Variants in MKRN2OS observed in about 807,000 individuals in gnomAD.
The protein encoded by MKRN2OS is MKRN2 opposite strand protein.
A neutral mutation model predicts 18.2 loss-of-function variants in MKRN2OS; 17 were observed. The observed-to-expected ratio is 0.93, with a 90% CI of 0.64 to 1.40. MKRN2OS has a LOEUF of 1.40. Among genes scored for constraint, MKRN2OS ranks in the 40% most tolerant of loss-of-function variants. The pLI is 0.00. For missense variants in MKRN2OS, 337 were observed against 283.0 expected, an observed-to-expected ratio of 1.19 and a Z score of -1.37; for synonymous variants, 121 against 108.5, an observed-to-expected ratio of 1.12 and a Z score of -0.72.
At chr3:12,552,019 C>G (rs1388214796), downstream of MKRN2OS, among the ~76,000 whole-genome samples, 1 of 151,026 alleles carries the variant, frequency 6.6e-6, no homozygotes, top group African/African-American at 2.4e-5. Context: ...CTAAATGCTC[C>G]GATACAAAAA....
downstream of MKRN2OS, among the ~76,000 whole-genome samples, chr3:12,552,068 C>G (rs1481346002): frequency 6.6e-6 from 1 of 151,950 alleles, no homozygotes; most frequent in African/African-American, 2.4e-5. Context: ...GCCTGTAATC[C>G]CAGCACTTTG....
At chr3:12,559,229 T>C (rs1030799776) in intron 1 of MKRN2OS, among the ~76,000 whole-genome samples, 1 of 152,186 alleles carries the variant, frequency 6.6e-6, no homozygotes, top group Non-Finnish European at 1.5e-5. Flanking sequence ...AAAACCAATA[T>C]GACCAAGAGT....
rs150618878 is a variant in MKRN2OS, at chr3:12,556,957, C to G, written n.265-2823G>C. The G allele has an allele frequency of 3.1e-3, 1,512 of 491,626 alleles. 18 individuals carry two copies. The highest frequency in any genetic ancestry group is 0.028 in the African/African-American group (1,367 of 49,626). The allele number at this position is 491,626 out of a possible 1,614,324, so 30.5% of individuals were successfully genotyped here. Reference sequence around the variant, plus strand: ...GATGCCGGGACAGCCGGCCCGATCCCCGGTGCGGAACCAATTGTGACGACG... The same window carrying G: ...GATGCCGGGACAGCCGGCCCGATCCGCGGTGCGGAACCAATTGTGACGACG... On this transcript the variant is annotated intron_variant and non_coding_transcript_variant, in intron 1 of 1. Coordinates refer to the MKRN2OS transcript ENST00000447550.
At chr3:12,552,945 G>A (rs181154990), downstream of MKRN2OS, among the ~76,000 whole-genome samples, 542 of 150,152 alleles carry the variant, frequency 3.6e-3, 2 homozygotes, top group African/African-American at 0.012. Context: ...GAAACCAGGA[G>A]GTGGAGGTTG....
downstream of MKRN2OS, among the ~76,000 whole-genome samples, chr3:12,551,354 G>T (rs890329307): frequency 1.3e-5 from 2 of 151,836 alleles, no homozygotes; most frequent in Non-Finnish European, 2.9e-5. Flanking sequence ...ATTAGCCCGG[G>T]TGTGATGGTA....
chr3:12,542,319 C>T (rs2057826192), intron 2 of MKRN2OS, among the ~76,000 whole-genome samples: 1 of 152,190 alleles, frequency 6.6e-6, no homozygotes, highest in Admixed American at 6.5e-5. Context: ...TGATAGGCAC[C>T]AGGATCATCA....
intron 1 of MKRN2OS, chr3:12,557,180 A>T: frequency 6.5e-7 from 1 of 1,536,042 alleles, no homozygotes; most frequent in Non-Finnish European, 8.7e-7. Context: ...CTTGCAGGTC[A>T]GTGCGCTGGA....
rs1033900830 is a variant in MKRN2OS, at chr3:12,540,208, G to A, written c.657C>T (p.Gly219=). The change falls in exon 4 of 4, where the codon GGC becomes GGT. Residue 219 remains glycine, a synonymous_variant. Coordinates refer to ENST00000564146, the MANE Select transcript of MKRN2OS (RefSeq NM_001195279.2). ...TACATAGCTCTCAGCACAAACCGCC[G>A]CCCTCAGGGGGTTGTGCCTGCTGCT... ...CPQQQAQPPE[G]GGLC is the part of the protein sequence containing the mutation. The A allele has an allele frequency of 1.1e-5, 17 of 1,535,996 alleles. No homozygotes were observed. The highest frequency in any genetic ancestry group is 1.7e-4 in the Middle Eastern group (1 of 6,012).
chr3:12,546,650 G>A (rs1036266736), upstream of MKRN2OS, among the ~76,000 whole-genome samples: 12 of 139,322 alleles, frequency 8.6e-5, no homozygotes, highest in African/African-American at 1.9e-4. Context: ...GTGTGATCTC[G>A]GCTCACTGCA....
rs1319378774 is a variant in MKRN2OS at position 12,539,836 on chromosome 3, A to G, written c.*357T>C. 1 of 227,146 alleles carries G rather than the reference A, an allele frequency of 4.4e-6. No homozygotes were observed. The highest frequency in any genetic ancestry group is 2.2e-5 in the African/African-American group (1 of 45,424). 14.1% of individuals were successfully genotyped at this position (227,146 alleles called of 1,614,324 possible). ...GTTTCACTCTTGTTGCCCAGGCTGG[A>G]GTGCAATGGCACGATCTCAACTCAT... On this transcript the variant is annotated 3_prime_UTR_variant, in exon 4 of 4. Coordinates refer to ENST00000564146, the MANE Select transcript of MKRN2OS (RefSeq NM_001195279.2).
chr3:12,558,155 T>G (rs1406256487), intron 1 of MKRN2OS, among the ~76,000 whole-genome samples: 1 of 152,268 alleles, frequency 6.6e-6, no homozygotes, highest in Admixed American at 6.5e-5. Context: ...TTGTTACTTC[T>G]CTTCATTGGT....
Position 12,541,911 on chromosome 3 carries a change from C to G in MKRN2OS, c.380G>C (p.Trp127Ser). 6.5e-7 allele frequency: 1 copy of G among 1,536,070 alleles called. No individual in the cohort carries two copies. The change falls in exon 3 of 4, where the codon TGG becomes TCG. Residue 127 changes from tryptophan to serine, a missense_variant. Transcript: ENST00000564146. ...QPNMYGMMEQ[W>S]DKYLEDFSTS... ...GGAGAAGTCTTCCAGGTACTTGTCC[C>G]ATTGCTCCATCATTCCATACATGTT...
downstream of MKRN2OS, chr3:12,553,743 A>G (rs952576188): frequency 1.1e-4 from 16 of 152,224 alleles, no homozygotes; most frequent in African/African-American, 3.9e-4. Flanking sequence ...TTATTTGCTG[A>G]TGGCGTGATT....
Position 12,543,248 on chromosome 3 carries a change from G to GT in MKRN2OS, c.219-20dup, listed in dbSNP as rs111958878. 211,147 of 1,489,314 alleles carry GT rather than the reference G, an allele frequency of 0.14. 12,210 individuals are homozygous for GT. The highest frequency in any genetic ancestry group is 0.26 in the Admixed American group (12,536 of 47,392). 92.3% of individuals were successfully genotyped at this position (1,489,314 alleles called of 1,614,324 possible). Reference sequence around the variant, plus strand: ...ATACTCTCTGAAAGAAACAAGGTTTGTTTTTTTTTGGTTTGCATGTATTTG... The same window carrying GT: ...ATACTCTCTGAAAGAAACAAGGTTTGTTTTTTTTTTGGTTTGCATGTATTTG... On this transcript the variant is annotated intron_variant, in intron 1 of 3. Coordinates refer to ENST00000564146, the MANE Select transcript of MKRN2OS (RefSeq NM_001195279.2).
At chr3:12,560,966 A>G (rs926546757) in exon 1 of MKRN2OS, 16 of 152,246 alleles carry the variant, frequency 1.1e-4, no homozygotes, top group African/African-American at 3.9e-4. Flanking sequence ...CTATAAGCAC[A>G]TGACAGAGAT....
chr3:12,541,832 C>T (rs779372745), intron 3 of MKRN2OS, 28 bp downstream of exon 3: 207 of 1,528,128 alleles, frequency 1.4e-4, no homozygotes, highest in Non-Finnish European at 1.7e-4. Flanking sequence ...TGAGTGTCAG[C>T]GAGGGGGCAG....
In MKRN2OS at chr3:12,540,437, A is replaced by G. The variant is rs2057780521; in HGVS notation, c.432-4T>C. The G allele has an allele frequency of 6.5e-7, 1 of 1,536,006 alleles. No individual in the cohort carries two copies. Among genetic ancestry groups the G allele is most frequent in the Non-Finnish European group, 8.7e-7 (1 of 1,146,908 alleles). On this transcript the variant is annotated splice_polypyrimidine_tract_variant and splice_region_variant and intron_variant, in intron 3 of 3. Transcript: ENST00000564146. ...GTTATGGTGGTTGTCTTCATACCTT[A>G]TGGAGGAGAATAAGGGTGTTGAGAA...
chr3:12,556,019 GC>G (rs1244247979), intron 1 of MKRN2OS, among the ~76,000 whole-genome samples: 1 of 152,026 alleles, frequency 6.6e-6, no homozygotes, highest in Non-Finnish European at 1.5e-5. Flanking sequence ...ATGAGTGTAT[GC>G]ATGTGCAAAA....
chr3:12,546,126 C>A (rs1261910576), upstream of MKRN2OS, among the ~76,000 whole-genome samples: 1 of 152,160 alleles, frequency 6.6e-6, no homozygotes, highest in East Asian at 1.9e-4. Context: ...TTTTGTTTCT[C>A]CCGTTAGTCT....
Sources: gnomAD v4.1 joint callset for allele counts (sites outside exome capture counted in the v4.1 genomes callset) on GRCh38, gnomAD v4.1.1 for gene constraint, MANE v1.5 for transcripts, NCBI Gene and HGNC (gene_info 2026-07-23, HGNC 2026-07-21) for gene names.